Variants in TTC28 observed in about 807,000 individuals in gnomAD.
TTC28 encodes the protein tetratricopeptide repeat protein 28.
In TTC28, 61 loss-of-function variants were observed where a neutral mutation model predicts 198.0. That is an observed-to-expected ratio of 0.31 (90% CI 0.25 to 0.38). TTC28 has a LOEUF of 0.38. TTC28 is among the 10% of genes least tolerant of loss of function. TTC28 has a pLI of 1.00. For synonymous variants in TTC28, 1,171 were observed against 1,297.8 expected (o/e 0.90, Z 2.10); for missense variants, 2,678 against 3,164.0 (o/e 0.85, Z 3.69).
chr22:28,629,546 T>C lies in TTC28; in HGVS notation c.381+6A>G. Reference sequence around the variant, plus strand: ...AAAATAAATCTTCATAGGTAAAAATTTCTACCTTTGGCCACTTGGGATTGA... The same window carrying C: ...AAAATAAATCTTCATAGGTAAAAATCTCTACCTTTGGCCACTTGGGATTGA... On this transcript the variant is annotated splice_donor_region_variant and intron_variant, in intron 2 of 22. Transcript: ENST00000397906. 6.5e-7 allele frequency: 1 copy of C among 1,539,568 alleles called. No individual in the cohort carries two copies. Among genetic ancestry groups the C allele is most frequent in the Non-Finnish European group, 8.8e-7 (1 of 1,141,488 alleles).
At chr22:28,406,317 T>C (rs1309870920) in intron 2 of TTC28, among the ~76,000 whole-genome samples, 1 of 152,246 alleles carries the variant, frequency 6.6e-6, no homozygotes, top group Non-Finnish European at 1.5e-5. Flanking sequence ...ACACTTATCT[T>C]ATTAACGAGA....
intron 2 of TTC28, among the ~76,000 whole-genome samples, chr22:28,388,779 A>C (rs2046661985): frequency 6.6e-6 from 1 of 152,220 alleles, no homozygotes; most frequent in Admixed American, 6.5e-5. Flanking sequence ...CAATCATGTC[A>C]TCTGCAAACA....
Position 28,107,141 on chromosome 22 carries a change from G to T in TTC28, c.2704C>A (p.Gln902Lys). 2 of 1,551,666 alleles carry T rather than the reference G, an allele frequency of 1.3e-6. No homozygotes were observed. Among genetic ancestry groups the T allele is most frequent in the African/African-American group, 1.4e-5 (1 of 73,144 alleles). The change falls in exon 7 of 23, where the codon CAA becomes AAA. Residue 902 changes from glutamine to lysine, a missense_variant. By Grantham distance (53) the Gln-to-Lys change is moderately conservative. Around this residue, in one of 8 missense-constraint regions of TTC28, gnomAD observed 775 missense variants for 845.9 expected, o/e 0.92. Transcript: ENST00000397906. ...AGACTCTGCGCGACAGATAAATATT[G>T]TTCATAGTATTTGATAGCTTCCTCA... The part of the protein sequence containing the change: ...DYEEAIKYYE[Q>K]YLSVAQSLNR...
intron 2 of TTC28, among the ~76,000 whole-genome samples, chr22:28,473,210 ATAT>A (rs1555881171): frequency 2.6e-5 from 4 of 152,232 alleles, no homozygotes; most frequent in Non-Finnish European, 5.9e-5. Flanking sequence ...ACTGTCAAAA[ATAT>A]TCTTATTATA....
At chr22:28,438,909 T>A (rs1465723123) in intron 2 of TTC28, among the ~76,000 whole-genome samples, 1 of 152,190 alleles carries the variant, frequency 6.6e-6, no homozygotes, top group Admixed American at 6.5e-5. Flanking sequence ...GTTTTAACCA[T>A]GACTTTCACT....
intron 2 of TTC28, among the ~76,000 whole-genome samples, chr22:28,550,393 G>C (rs886292164): frequency 6.6e-6 from 1 of 152,068 alleles, no homozygotes; most frequent in African/African-American, 2.4e-5. Context: ...TTAAAGACAA[G>C]ACTATTTTAG....
chr22:28,214,116 T>C (rs910383694), intron 5 of TTC28, among the ~76,000 whole-genome samples: 6 of 152,104 alleles, frequency 3.9e-5, no homozygotes, highest in African/African-American at 1.4e-4. Context: ...TTATACCTTA[T>C]ACAAAAATTA....
chr22:28,001,839 G>A, intron 14 of TTC28: 1 of 446,882 alleles, frequency 2.2e-6, no homozygotes, highest in Non-Finnish European at 4.1e-6. Context: ...AACCTGAAGT[G>A]GGTTGGAGAC....
At chr22:28,067,187 T>C (rs771942941) in intron 12 of TTC28, among the ~76,000 whole-genome samples, 4 of 152,188 alleles carry the variant, frequency 2.6e-5, no homozygotes, top group Non-Finnish European at 5.9e-5. Flanking sequence ...TGAGATTAAA[T>C]TGCTTGCTAA....
At position 28,504,104 on chromosome 22, in the gene TTC28, C is replaced by A. The variant is rs534542590; in HGVS notation, c.381+125448G>T. The stretch of plus-strand genomic sequence containing the variant: ...CCTGGCAATAAAACAACATACATTT[C>A]TTTTCCTATGTTCTACAGTAATCTG... On this transcript the variant is annotated intron_variant, in intron 2 of 22. Transcript: ENST00000397906. Among the ~76,000 whole-genome samples, 6 of 152,248 alleles carry A rather than the reference C, an allele frequency of 3.9e-5. No individual in the cohort carries two copies. The East Asian group carries it at 1.2e-3, about 29-fold the overall frequency.
intron 12 of TTC28, among the ~76,000 whole-genome samples, chr22:28,087,518 A>C (rs1331704774): frequency 6.6e-6 from 1 of 152,186 alleles, no homozygotes; most frequent in Non-Finnish European, 1.5e-5. Context: ...ATCTCAAAAT[A>C]ATAAGAGCTA....
intron 6 of TTC28, among the ~76,000 whole-genome samples, chr22:28,112,529 T>C (rs1942514246): frequency 6.6e-6 from 1 of 152,186 alleles, no homozygotes; most frequent in Non-Finnish European, 1.5e-5. Context: ...TAAGAAGAGA[T>C]GGATGAGGCC....
chr22:28,257,936 G>T (rs1335579173), intron 5 of TTC28, among the ~76,000 whole-genome samples: 1 of 151,652 alleles, frequency 6.6e-6, no homozygotes, highest in African/African-American at 2.4e-5. Context: ...ACTGTCCTCA[G>T]AAATCTTACT....
chr22:28,278,656 G>C lies in TTC28; in HGVS notation c.933+17542C>G, dbSNP rs144223440. ...CATCGTAGCACTTTCTTGCAAGAGA[G>C]AGGTGACTCCCCACGGCAGATGCTG... On this transcript the variant is annotated intron_variant, in intron 5 of 22. Transcript: ENST00000397906. Among the ~76,000 whole-genome samples the C allele has an allele frequency of 1.0e-3, 155 of 152,316 alleles. 2 individuals are homozygous for C. The highest frequency in any genetic ancestry group is 3.4e-3 in the African/African-American group (141 of 41,580).
At chr22:28,428,696 T>C (rs542483519) in intron 2 of TTC28, among the ~76,000 whole-genome samples, 1 of 151,964 alleles carries the variant, frequency 6.6e-6, no homozygotes. Context: ...TGGAGTGCAG[T>C]GGCACAATCT....
At chr22:28,407,537 A>T (rs2047017270) in intron 2 of TTC28, among the ~76,000 whole-genome samples, 1 of 152,066 alleles carries the variant, frequency 6.6e-6, no homozygotes, top group Non-Finnish European at 1.5e-5. Context: ...GATTACACAG[A>T]TTGTCTTGAT....
chr22:28,661,215 T>C (rs1601675476), intron 1 of TTC28, among the ~76,000 whole-genome samples: 1 of 151,688 alleles, frequency 6.6e-6, no homozygotes, highest in African/African-American at 2.4e-5. Flanking sequence ...ACCCAGGAGG[T>C]GGAGGTTGCG....
intron 6 of TTC28, among the ~76,000 whole-genome samples, chr22:28,114,864 G>A (rs1345144977): frequency 6.6e-6 from 1 of 152,104 alleles, no homozygotes; most frequent in African/African-American, 2.4e-5. Context: ...GGGATTGCAG[G>A]GGTAAGCCAA....
intron 12 of TTC28, among the ~76,000 whole-genome samples, chr22:28,084,156 G>A (rs569275126): frequency 3.2e-4 from 48 of 152,358 alleles, no homozygotes; most frequent in Non-Finnish European, 5.4e-4. Context: ...CAGCTCTGAA[G>A]AGAGTAGTAG....
Sources: gnomAD v4.1 joint callset for allele counts (sites outside exome capture counted in the v4.1 genomes callset) on GRCh38, gnomAD v4.1.1 for gene constraint, gnomAD v4.1.1 regional missense constraint, MANE v1.5 for transcripts, NCBI Gene and HGNC (gene_info 2026-07-23, HGNC 2026-07-21) for gene names.